DCAF1: variants seen among roughly 807,000 people sequenced by gnomAD.
The protein encoded by DCAF1 is DDB1 and CUL4 associated factor 1, also known as DDB1- and CUL4-associated factor 1.
A neutral mutation model predicts 128.0 loss-of-function variants in DCAF1; 15 were observed. That is an observed-to-expected ratio of 0.12 (90% CI 0.08 to 0.18). The LOEUF is 0.18. DCAF1 is among the 10% of genes least tolerant of loss of function. The pLI, the probability that DCAF1 is intolerant of heterozygous loss-of-function variation, is 1.00. For synonymous variants in DCAF1, 610 were observed against 603.0 expected (o/e 1.01, Z -0.17); for missense variants, 988 against 1,649.5 (o/e 0.60, Z 6.95).
At chr3:51,413,246 C>T (rs372157432) in intron 21 of DCAF1, 36 bp downstream of exon 21, 39 of 1,594,858 alleles carry the variant, frequency 2.4e-5, no homozygotes, top group African/African-American at 1.2e-4. Context: ...CACCAAAACA[C>T]GACAAAATGT....
intron 2 of DCAF1, 133 bp from the exon 3 acceptor site, chr3:51,483,969 T>C (rs1706595970): frequency 1.6e-6 from 1 of 632,188 alleles, no homozygotes; most frequent in African/African-American, 1.8e-5. Context: ...CCTTGAACCC[T>C]TTGGATTTAT....
chr3:51,491,333 C>T (rs782518149), intron 2 of DCAF1, among the ~76,000 whole-genome samples: 1 of 146,056 alleles, frequency 6.8e-6, no homozygotes, highest in African/African-American at 2.5e-5. Context: ...GGCAACAGAG[C>T]GAGACTATGT....
intron 23 of DCAF1, among the ~76,000 whole-genome samples, chr3:51,405,454 G>C (rs1355876128): frequency 1.3e-5 from 2 of 152,164 alleles, no homozygotes; most frequent in African/African-American, 4.8e-5. Context: ...AGAAGAAACA[G>C]ATGTATATAT....
intron 4 of DCAF1, 52 bp downstream of exon 4, chr3:51,470,877 A>G: frequency 7.5e-7 from 1 of 1,340,306 alleles, no homozygotes; most frequent in Admixed American, 2.3e-5. Context: ...GCTTTAATAA[A>G]AGTGTCTTAA....
chr3:51,406,390 C>G (rs2090115740), intron 23 of DCAF1, among the ~76,000 whole-genome samples: 1 of 146,170 alleles, frequency 6.8e-6, no homozygotes, highest in Non-Finnish European at 1.5e-5. Flanking sequence ...AATCCTGACT[C>G]AACTCTGACA....
intron 2 of DCAF1, among the ~76,000 whole-genome samples, chr3:51,487,071 G>A (rs782011140): frequency 7.3e-5 from 11 of 151,324 alleles, no homozygotes; most frequent in Admixed American, 2.0e-4. Flanking sequence ...GGATTCAAGC[G>A]AGCGATTCTC....
chr3:51,429,674 CAG>C (rs1700203166), intron 11 of DCAF1, among the ~76,000 whole-genome samples: 1 of 151,980 alleles, frequency 6.6e-6, no homozygotes, highest in African/African-American at 2.4e-5. Context: ...AGCATGCTAA[CAG>C]TAGCTATATG....
In DCAF1 at chr3:51,449,036, G is replaced by A. The variant is rs140567014; in HGVS notation, c.376-5133C>T. ...AATGAAACTAGAAATCAACAATATCGCAAAACTACAATAGTCACAAATACA... is the reference window on the plus strand; with the variant it reads ...AATGAAACTAGAAATCAACAATATCACAAAACTACAATAGTCACAAATACA... On this transcript the variant is annotated intron_variant, in intron 6 of 24. Coordinates refer to ENST00000684031, the MANE Select transcript of DCAF1 (RefSeq NM_001387579.1). 1.2e-3 allele frequency among the ~76,000 whole-genome samples: 183 copies of A among 151,614 alleles called. 1 individual carries two copies. Among genetic ancestry groups the A allele is most frequent in the East Asian group, 0.011 (57 of 5,162 alleles).
intron 1 of DCAF1, among the ~76,000 whole-genome samples, chr3:51,497,263 C>T (rs1577345628): frequency 6.6e-6 from 1 of 152,008 alleles, no homozygotes; most frequent in South Asian, 2.1e-4. Context: ...CCACTGCACT[C>T]CAGGCTAGGT....
intron 6 of DCAF1, among the ~76,000 whole-genome samples, chr3:51,445,654 T>C (rs1412443255): frequency 3.3e-5 from 5 of 152,212 alleles, no homozygotes; most frequent in African/African-American, 1.2e-4. Context: ...ACTTTTGTGC[T>C]AGCCAAGTAT....
chr3:51,419,690 G>C (rs782676583), intron 15 of DCAF1, 44 bp downstream of exon 15: 22 of 1,543,982 alleles, frequency 1.4e-5, no homozygotes, highest in Middle Eastern at 1.7e-4. Flanking sequence ...TTAAATAAAA[G>C]AATCATTCCA....
chr3:51,475,599 C>T lies in DCAF1; in HGVS notation c.111-4594G>A, dbSNP rs530822533. 3.9e-5 allele frequency among the ~76,000 whole-genome samples: 6 copies of T among 151,976 alleles called. No homozygotes were observed. The South Asian group carries it at 6.2e-4, about 16-fold the overall frequency. ...CTCCAGGGCCCGGCGTGGTGGCTTA[C>T]GCCCGTAATCCCAGCACTTTGGGAG... On this transcript the variant is annotated intron_variant, in intron 3 of 24. Coordinates refer to ENST00000684031, the MANE Select transcript of DCAF1 (RefSeq NM_001387579.1).
At chr3:51,423,026 C>A (rs1216821361) in intron 13 of DCAF1, among the ~76,000 whole-genome samples, 2 of 151,796 alleles carry the variant, frequency 1.3e-5, no homozygotes, top group African/African-American at 2.4e-5. Flanking sequence ...CGTGATTACA[C>A]CACTGCACTC....
intron 23 of DCAF1, among the ~76,000 whole-genome samples, chr3:51,408,976 G>A (rs1168640227): frequency 3.9e-5 from 6 of 152,184 alleles, no homozygotes; most frequent in South Asian, 2.1e-4. Context: ...AAAGCTTTCC[G>A]GCTCTTCTAC....
chr3:51,446,997 AAT>A (rs1553640400), intron 6 of DCAF1, among the ~76,000 whole-genome samples: 7 of 148,436 alleles, frequency 4.7e-5, no homozygotes, highest in Non-Finnish European at 7.4e-5. Context: ...TAATAATAAT[AAT>A]AAAATGTTTT....
chr3:51,418,785 G>T lies in DCAF1; in HGVS notation c.3328C>A (p.Leu1110Ile). Residue 1110 changes from leucine to isoleucine, a missense_variant, in exon 16 of 25, where the codon CTT becomes ATT. Leu to Ile is a conservative substitution (Grantham distance 5). This residue lies in a region of DCAF1 where 105 missense variants were observed against 266.7 expected (regional missense o/e 0.39). Transcript: ENST00000684031. ...TTCAGCTGCCCTGTGCAGGTGCCAA[G>T]CATCAGGAACCGCTCCCGTGCTGAG... ...AFSARERFLMLGTCTGQLKLY... is the reference protein window; with the variant it reads ...AFSARERFLMIGTCTGQLKLY... 10 of 1,614,008 alleles carry T rather than the reference G, an allele frequency of 6.2e-6. No homozygotes were observed. Among genetic ancestry groups the T allele is most frequent in the Non-Finnish European group, 8.5e-6 (10 of 1,179,898 alleles).
At chr3:51,445,132 T>C (rs1701732963) in intron 6 of DCAF1, among the ~76,000 whole-genome samples, 1 of 152,000 alleles carries the variant, frequency 6.6e-6, no homozygotes, top group African/African-American at 2.4e-5. Flanking sequence ...TAAAAATAAA[T>C]AATACATTAA....
intron 17 of DCAF1, among the ~76,000 whole-genome samples, chr3:51,417,545 G>A (rs1698991871): frequency 6.6e-6 from 1 of 151,884 alleles, no homozygotes; most frequent in East Asian, 1.9e-4. Flanking sequence ...ACAGTGAAAC[G>A]CTGTCTCTAC....
At chr3:51,478,528 G>A (rs544531979) in intron 3 of DCAF1, among the ~76,000 whole-genome samples, 2 of 152,192 alleles carry the variant, frequency 1.3e-5, no homozygotes, top group Admixed American at 1.3e-4. Flanking sequence ...CCTCATTAAT[G>A]ACTCTCCTCC....
Sources: gnomAD v4.1 joint callset for allele counts (sites outside exome capture counted in the v4.1 genomes callset) on GRCh38, gnomAD v4.1.1 for gene constraint, gnomAD v4.1.1 regional missense constraint, MANE v1.5 for transcripts, NCBI Gene and HGNC (gene_info 2026-07-23, HGNC 2026-07-21) for gene names.